The following SOX5 variants were observed in gnomAD, a reference collection of about 807,000 sequenced individuals.
SOX5 encodes SRY-box transcription factor 5.
SOX5 carries 9 observed loss-of-function variants against 92.0 expected under a neutral mutation model. That is an observed-to-expected ratio of 0.10 (90% CI 0.06 to 0.17). SOX5 has a LOEUF of 0.17. Ranked by LOEUF, SOX5 falls within the 10% of genes least tolerant of loss-of-function variation. SOX5 has a pLI of 1.00. For missense variants in SOX5, 642 were observed against 944.5 expected (o/e 0.68, Z 4.20); for synonymous variants, 344 against 336.3 (o/e 1.02, Z -0.25).
intron 1 of SOX5, among the ~76,000 whole-genome samples, chr12:24,545,003 T>A (rs952867418): frequency 1.3e-5 from 2 of 152,222 alleles, no homozygotes; most frequent in South Asian, 4.1e-4. Flanking sequence ...AATAGAGTAA[T>A]ATATTTTTTA....
chr12:23,812,465 G>A (rs370348564), intron 3 of SOX5, among the ~76,000 whole-genome samples: 2 of 151,882 alleles, frequency 1.3e-5, no homozygotes, highest in South Asian at 2.1e-4. Flanking sequence ...AAACACAGAT[G>A]GGGATTTTTT....
chr12:24,417,323 G>A (rs1965191573), intron 1 of SOX5, among the ~76,000 whole-genome samples: 1 of 152,184 alleles, frequency 6.6e-6, no homozygotes, highest in Non-Finnish European at 1.5e-5. Flanking sequence ...TGGAGTTTTT[G>A]TATGTGTATG....
At chr12:24,184,414 C>T (rs1693521027) in intron 4 of SOX5, among the ~76,000 whole-genome samples, 1 of 151,954 alleles carries the variant, frequency 6.6e-6, no homozygotes, top group African/African-American at 2.4e-5. Context: ...GTAAAGCTGC[C>T]AAATTCAAAC....
intron 1 of SOX5, among the ~76,000 whole-genome samples, chr12:24,530,870 C>T (rs1018637268): frequency 6.6e-6 from 1 of 152,080 alleles, no homozygotes; most frequent in Non-Finnish European, 1.5e-5. Flanking sequence ...TTCCAAAAAT[C>T]TCTGGGGATG....
At chr12:23,698,406 A>G (rs2090175619) in intron 6 of SOX5, among the ~76,000 whole-genome samples, 1 of 152,070 alleles carries the variant, frequency 6.6e-6, no homozygotes, top group Admixed American at 6.6e-5. Flanking sequence ...TTATTTCTGA[A>G]TAGTTTTAAT....
intron 3 of SOX5, among the ~76,000 whole-genome samples, chr12:23,774,592 T>C (rs1395867312): frequency 6.6e-6 from 1 of 152,198 alleles, no homozygotes; most frequent in East Asian, 1.9e-4. Context: ...AAAGTTATAG[T>C]AAATTGTTAA....
intron 3 of SOX5, among the ~76,000 whole-genome samples, chr12:23,821,906 A>G (rs1030147382): frequency 2.0e-5 from 3 of 149,058 alleles, no homozygotes; most frequent in Non-Finnish European, 4.4e-5. Flanking sequence ...GTTTATTTCC[A>G]TAGAGGTGTT....
chr12:23,657,180 C>T (rs1367044481), intron 7 of SOX5, among the ~76,000 whole-genome samples: 1 of 152,006 alleles, frequency 6.6e-6, no homozygotes, highest in East Asian at 1.9e-4. Flanking sequence ...AAGATGTAAG[C>T]TACAATTTGT....
intron 2 of SOX5, among the ~76,000 whole-genome samples, chr12:24,309,231 T>C (rs1475302448): frequency 6.6e-6 from 1 of 152,200 alleles, no homozygotes; most frequent in Non-Finnish European, 1.5e-5. Flanking sequence ...CAGCAGAGCC[T>C]GATTATCAAT....
chr12:24,258,718 T>C (rs1424136789), intron 3 of SOX5, among the ~76,000 whole-genome samples: 1 of 152,222 alleles, frequency 6.6e-6, no homozygotes, highest in African/African-American at 2.4e-5. Flanking sequence ...TCATCTTAGC[T>C]ACAAGATTTT....
intron 3 of SOX5, among the ~76,000 whole-genome samples, chr12:23,774,569 T>C (rs2095040675): frequency 6.6e-6 from 1 of 152,218 alleles, no homozygotes; most frequent in South Asian, 2.1e-4. Flanking sequence ...ATAGTAATAA[T>C]TGATTCAATT....
intron 3 of SOX5, among the ~76,000 whole-genome samples, chr12:23,840,435 T>G (rs1475141653): frequency 6.6e-6 from 1 of 152,038 alleles, no homozygotes; most frequent in Non-Finnish European, 1.5e-5. Context: ...TATAACACAA[T>G]CCCAATACAA....
intron 4 of SOX5, among the ~76,000 whole-genome samples, chr12:24,128,146 T>A (rs879291196): frequency 5.3e-5 from 8 of 152,240 alleles, no homozygotes; most frequent in Non-Finnish European, 1.0e-4. Flanking sequence ...TTTAGCAGTG[T>A]GCTGCTATTG....
intron 2 of SOX5, among the ~76,000 whole-genome samples, chr12:24,285,857 G>A (rs12367237): frequency 0.14 from 20,568 of 152,148 alleles, 1,621 homozygotes; most frequent in Middle Eastern, 0.23. Context: ...AAACAGACAT[G>A]TGCTTAATAA....
intron 4 of SOX5, among the ~76,000 whole-genome samples, chr12:24,005,979 T>A (rs1040232121): frequency 2.6e-5 from 4 of 152,194 alleles, no homozygotes; most frequent in African/African-American, 9.6e-5. Flanking sequence ...GAACCTTCAA[T>A]CTGCACGTAG....
In SOX5 at chr12:23,584,538, C is replaced by T. The variant is rs373779542; in HGVS notation, c.1165-8700G>A. 26 of 1,590,334 alleles carry T rather than the reference C, an allele frequency of 1.6e-5. No homozygotes were observed. In the African/African-American group the frequency reaches 3.1e-4, roughly 19 times the overall value. ...TTACATCAAAGAGTCATTCCCAGTG[C>T]TCACATACATGCATGCACAGCTCCT... On this transcript the variant is annotated intron_variant, in intron 9 of 14. Coordinates refer to ENST00000451604, the MANE Select transcript of SOX5 (RefSeq NM_006940.6).
At chr12:23,761,920 G>A (rs528761698) in intron 3 of SOX5, among the ~76,000 whole-genome samples, 5 of 152,034 alleles carry the variant, frequency 3.3e-5, no homozygotes, top group African/African-American at 7.2e-5. Flanking sequence ...TTATTTAACC[G>A]AATTTATTTT....
chr12:24,005,584 G>C (rs1952068294), intron 4 of SOX5, among the ~76,000 whole-genome samples: 1 of 152,056 alleles, frequency 6.6e-6, no homozygotes, highest in African/African-American at 2.4e-5. Flanking sequence ...CATTGAAGAG[G>C]ACTTCTCTGC....
chr12:24,425,702 G>A (rs1966651539), intron 1 of SOX5, among the ~76,000 whole-genome samples: 1 of 152,162 alleles, frequency 6.6e-6, no homozygotes, highest in East Asian at 1.9e-4. Flanking sequence ...ATTAAGTTGG[G>A]TGGTTTATGT....
Sources: gnomAD v4.1 joint callset for allele counts (sites outside exome capture counted in the v4.1 genomes callset) on GRCh38, gnomAD v4.1.1 for gene constraint, MANE v1.5 for transcripts, NCBI Gene and HGNC (gene_info 2026-07-23, HGNC 2026-07-21) for gene names.